The following NKAIN2 variants were observed in gnomAD, a reference collection of about 807,000 sequenced individuals.
The protein encoded by NKAIN2 is sodium/potassium transporting ATPase interacting 2.
NKAIN2 carries 14 observed loss-of-function variants against 32.6 expected under a neutral mutation model. That is an observed-to-expected ratio of 0.43 (90% CI 0.28 to 0.67). The LOEUF (loss-of-function observed/expected upper bound fraction) is 0.67. NKAIN2 is among the 30% of genes least tolerant of loss of function. The pLI, the probability that NKAIN2 is intolerant of heterozygous loss-of-function variation, is 0.17. For missense variants in NKAIN2, 198 were observed against 258.3 expected (o/e 0.77, Z 1.60); for synonymous variants, 80 against 87.2 (o/e 0.92, Z 0.46).
intron 1 of NKAIN2, among the ~76,000 whole-genome samples, chr6:123,912,077 G>C (rs1012175283): frequency 1.8e-4 from 28 of 151,424 alleles, no homozygotes; most frequent in Admixed American, 7.9e-4. Context: ...AATACAGAGA[G>C]GTAGATACTT....
At position 123,907,886 on chromosome 6, in the gene NKAIN2, G is replaced by A. The variant is rs149003538; in HGVS notation, c.54+103632G>A. On this transcript the variant is annotated intron_variant, in intron 1 of 6. Transcript: ENST00000368417. ...ACATATGTTTGTGGGTATCTTTCTC[G>A]TGTTTCATAGGACACTTTGTTGATT... Among the ~76,000 whole-genome samples, 113 of 152,194 alleles carry A rather than the reference G, an allele frequency of 7.4e-4. 1 individual carries two copies. The highest frequency in any genetic ancestry group is 3.4e-3 in the Middle Eastern group (1 of 294).
intron 1 of NKAIN2, among the ~76,000 whole-genome samples, chr6:124,028,792 C>T (rs1017335187): frequency 1.4e-5 from 2 of 141,744 alleles, no homozygotes; most frequent in East Asian, 2.1e-4. Flanking sequence ...TACGCATATA[C>T]GTGTATATAC....
chr6:123,915,012 CTG>C (rs1468757633), intron 1 of NKAIN2, among the ~76,000 whole-genome samples: 4 of 152,170 alleles, frequency 2.6e-5, no homozygotes, highest in East Asian at 1.9e-4. Flanking sequence ...CAGTCTGAGA[CTG>C]TGCATTTTTA....
chr6:124,042,184 T>C (rs1582519666), intron 1 of NKAIN2, among the ~76,000 whole-genome samples: 1 of 152,240 alleles, frequency 6.6e-6, no homozygotes, highest in African/African-American at 2.4e-5. Flanking sequence ...TAAATGAAAC[T>C]CCACCTGCCC....
chr6:124,392,127 A>G (rs1773169374), intron 3 of NKAIN2, among the ~76,000 whole-genome samples: 1 of 152,086 alleles, frequency 6.6e-6, no homozygotes, highest in African/African-American at 2.4e-5. Flanking sequence ...TTTTTCCTGA[A>G]TCAAAAGTGC....
chr6:124,657,897 G>A (rs997311249), intron 3 of NKAIN2, among the ~76,000 whole-genome samples: 5 of 152,012 alleles, frequency 3.3e-5, no homozygotes, highest in African/African-American at 1.2e-4. Context: ...ACTCTTCAGT[G>A]TTACAATGAA....
chr6:123,838,933 C>T (rs1028606148), intron 1 of NKAIN2, among the ~76,000 whole-genome samples: 5 of 152,176 alleles, frequency 3.3e-5, no homozygotes, highest in South Asian at 2.1e-4. Context: ...TGTGTTTTCT[C>T]GCATATGGAT....
chr6:124,276,179 T>C (rs1795023618), intron 1 of NKAIN2, among the ~76,000 whole-genome samples: 1 of 152,124 alleles, frequency 6.6e-6, no homozygotes, highest in African/African-American at 2.4e-5. Context: ...TTTGTTTTTC[T>C]TTTTAAAGAA....
At chr6:124,369,867 G>A (rs888222191) in intron 3 of NKAIN2, among the ~76,000 whole-genome samples, 1 of 82,764 alleles carries the variant, frequency 1.2e-5, no homozygotes, top group African/African-American at 4.8e-5. Context: ...TTGCTTTAGA[G>A]GGCAGAATGT....
At chr6:124,164,194 C>G (rs1210832192) in intron 1 of NKAIN2, among the ~76,000 whole-genome samples, 1 of 151,950 alleles carries the variant, frequency 6.6e-6, no homozygotes, top group Non-Finnish European at 1.5e-5. Context: ...ATGAACTTTT[C>G]AAATAAACTC....
chr6:124,115,547 A>C (rs1785569394), intron 1 of NKAIN2, among the ~76,000 whole-genome samples: 1 of 152,114 alleles, frequency 6.6e-6, no homozygotes, highest in African/African-American at 2.4e-5. Context: ...TTCCTCCTTG[A>C]GCAGTAGTGA....
intron 3 of NKAIN2, among the ~76,000 whole-genome samples, chr6:124,431,895 G>A (rs1226367092): frequency 6.6e-6 from 1 of 151,756 alleles, no homozygotes; most frequent in East Asian, 1.9e-4. Context: ...AAAACAAAGA[G>A]GAAAAAATAG....
At chr6:124,553,576 G>A (rs1780370491) in intron 3 of NKAIN2, among the ~76,000 whole-genome samples, 1 of 152,232 alleles carries the variant, frequency 6.6e-6, no homozygotes, top group South Asian at 2.1e-4. Context: ...CAAAGTGCTG[G>A]AATTAAAGGC....
At chr6:124,622,605 G>A (rs1171286281) in intron 3 of NKAIN2, among the ~76,000 whole-genome samples, 3 of 152,172 alleles carry the variant, frequency 2.0e-5, no homozygotes, top group Non-Finnish European at 4.4e-5. Flanking sequence ...CAGCGTCTGG[G>A]AAGAATTGGA....
At chr6:123,813,662 A>G (rs1300268886) in intron 1 of NKAIN2, among the ~76,000 whole-genome samples, 3 of 152,052 alleles carry the variant, frequency 2.0e-5, no homozygotes, top group South Asian at 4.2e-4. Flanking sequence ...AAATACAAAA[A>G]TTAGCGGGGC....
At chr6:124,390,947 G>T (rs1454979565) in intron 3 of NKAIN2, 1 of 151,956 alleles carries the variant, frequency 6.6e-6, no homozygotes. Context: ...AAAAAGAGAA[G>T]CATCTAAAAA....
chr6:124,623,099 ACATATG>A (rs1404051688), intron 3 of NKAIN2, among the ~76,000 whole-genome samples: 3 of 152,102 alleles, frequency 2.0e-5, no homozygotes, highest in African/African-American at 7.2e-5. Flanking sequence ...TAACTTAATT[ACATATG>A]CAAAGACCCT....
At chr6:124,443,575 A>C (rs1775777244) in intron 3 of NKAIN2, among the ~76,000 whole-genome samples, 1 of 152,006 alleles carries the variant, frequency 6.6e-6, no homozygotes, top group Admixed American at 6.6e-5. Context: ...AGTATGACCC[A>C]AACCTGCAAA....
At chr6:124,381,006 G>A (rs1308579585) in intron 3 of NKAIN2, among the ~76,000 whole-genome samples, 1 of 152,138 alleles carries the variant, frequency 6.6e-6, no homozygotes, top group Non-Finnish European at 1.5e-5. Flanking sequence ...ACAAATGTCT[G>A]GAAGGACTAC....
Sources: allele counts gnomAD v4.1 joint callset (sites outside exome capture counted in the v4.1 genomes callset), GRCh38; gene constraint gnomAD v4.1.1; transcripts MANE v1.5; gene names NCBI Gene and HGNC (gene_info 2026-07-23, HGNC 2026-07-21).